The following ADCY3 variants were observed in gnomAD, a reference collection of about 807,000 sequenced individuals.
The protein encoded by ADCY3 is adenylate cyclase type 3.
In ADCY3, 70 loss-of-function variants were observed where a neutral mutation model predicts 119.4. The ratio of observed to expected loss-of-function variants is 0.59; its 90% CI spans 0.48 to 0.72. The LOEUF (loss-of-function observed/expected upper bound fraction) is 0.72. Among genes scored for constraint, ADCY3 ranks in the 30% least tolerant of loss-of-function variants. The pLI, the probability that ADCY3 is intolerant of heterozygous loss-of-function variation, is 0.00. For synonymous variants in ADCY3, 672 were observed against 621.4 expected, an observed-to-expected ratio of 1.08 and a Z score of -1.21; for missense variants, 1,238 against 1,541.6, an observed-to-expected ratio of 0.80 and a Z score of 3.30.
intron 3 of ADCY3, among the ~76,000 whole-genome samples, chr2:24,866,393 T>G (rs1674297648): frequency 6.6e-6 from 1 of 151,912 alleles, no homozygotes; most frequent in African/African-American, 2.4e-5. Flanking sequence ...GGCAACACAG[T>G]GAGACTCCAT....
intron 2 of ADCY3, among the ~76,000 whole-genome samples, chr2:24,879,252 C>T (rs1676085558): frequency 6.6e-6 from 1 of 152,006 alleles, no homozygotes; most frequent in Non-Finnish European, 1.5e-5. Flanking sequence ...GTGGGCAGAT[C>T]ACAAGGTCAG....
chr2:24,894,333 G>T (rs1422592424), intron 2 of ADCY3, among the ~76,000 whole-genome samples: 1 of 152,100 alleles, frequency 6.6e-6, no homozygotes, highest in African/African-American at 2.4e-5. Flanking sequence ...AAGTTAGCCA[G>T]ACATGCTGTT....
chr2:24,870,278 GCCACTGCA>G (rs1674817047), intron 3 of ADCY3, among the ~76,000 whole-genome samples: 1 of 141,978 alleles, frequency 7.0e-6, no homozygotes, highest in Non-Finnish European at 1.5e-5. Flanking sequence ...CCGAGATTGT[GCCACTGCA>G]CTCTAGCCTG....
At chr2:24,852,614 G>A (rs547945595) in intron 3 of ADCY3, among the ~76,000 whole-genome samples, 5 of 152,380 alleles carry the variant, frequency 3.3e-5, no homozygotes, top group South Asian at 4.1e-4. Context: ...CAACTGGGCT[G>A]AGCGTGAGAG....
At chr2:24,821,227 C>CA in intron 20 of ADCY3, 2 of 456,316 alleles carry the variant, frequency 4.4e-6, no homozygotes, top group Admixed American at 3.9e-5. Context: ...GCAGGCACAG[C>CA]AACCCCTCTG....
At chr2:24,827,803 GCAGAAAGCCA>G (rs1668833123) in intron 14 of ADCY3, 89 bp downstream of exon 14, 1 of 1,554,526 alleles carries the variant, frequency 6.4e-7, no homozygotes, top group African/African-American at 1.4e-5. Context: ...ACCCCTAGTG[GCAGAAAGCCA>G]CCTCAGCACA....
rs779973163 is a variant in ADCY3, at chr2:24,842,316, G to A, written c.894C>T (p.Asp298=). 3.8e-5 allele frequency: 62 copies of A among 1,613,990 alleles called. No homozygotes were observed. The highest frequency in any genetic ancestry group is 8.8e-5 in the South Asian group (8 of 91,086). Residue 298 remains aspartate (D), a synonymous_variant, in exon 4 of 22, where the codon GAC becomes GAT. Coordinates refer to ENST00000679454, the MANE Select transcript of ADCY3 (RefSeq NM_004036.5). The surrounding 1 kb of genome is among the most constrained non-coding windows in gnomAD (Gnocchi z 4.9). ...ACTGCTGCTGGTCCTTCTGGCTCTC[G>A]TCTTTCTTCATGTCTTTCAGCATCT... ...ADEMLKDMKK[D]ESQKDQQQFN...
Position 24,920,079 on chromosome 2 carries a change from G to A in ADCY3, c.-594C>T, listed in dbSNP as rs1276278138. ...CGGCGGCGGCGGCTGCTAGGGGCGC[G>A]CGCGGGGCCCTCCCCGGCGGGAGCG... On this transcript the variant is annotated 5_prime_UTR_variant, in exon 1 of 22. Coordinates refer to ENST00000679454, the MANE Select transcript of ADCY3 (RefSeq NM_004036.5). This position sits in a 1 kb window ranked among gnomAD's most constrained non-coding sequence, Gnocchi z 4.5. Among the ~76,000 whole-genome samples, 1 of 145,944 alleles carries A rather than the reference G, an allele frequency of 6.9e-6. No homozygotes were observed. Among genetic ancestry groups the A allele is most frequent in the Non-Finnish European group, 1.5e-5 (1 of 65,680 alleles).
chr2:24,908,310 C>T lies in ADCY3; in HGVS notation c.675+10003G>A, dbSNP rs535952510. On this transcript the variant is annotated intron_variant, in intron 2 of 21. Transcript: ENST00000679454. ...TGCACTCTGGCCTGGGCAACAAGAG[C>T]GAAACTCCGTCTCAAAAAAAAAGAA... 2.5e-3 allele frequency among the ~76,000 whole-genome samples: 383 copies of T among 151,464 alleles called. 1 individual carries two copies. The highest frequency in any genetic ancestry group is 0.01 in the Middle Eastern group (3 of 294).
Position 24,841,113 on chromosome 2 carries a change from C to G in ADCY3, c.1196+146G>C, listed in dbSNP as rs897370614. 3 of 957,604 alleles carry G rather than the reference C, an allele frequency of 3.1e-6. No homozygotes were observed. The highest frequency in any genetic ancestry group is 3.3e-5 in the African/African-American group (2 of 61,262). The allele number at this position is 957,604 out of a possible 1,614,324, so 59.3% of individuals were successfully genotyped here. ...CTTCTAGAGCGGGAGCCTGCGCCAC[C>G]CATCAACCAGTGCTGTGTCCCAGTC... On this transcript the variant is annotated intron_variant, in intron 6 of 21. Transcript: ENST00000679454. The surrounding 1 kb of genome is among the most constrained non-coding windows in gnomAD (Gnocchi z 5.8).
chr2:24,880,917 A>T (rs915029862), intron 2 of ADCY3, among the ~76,000 whole-genome samples: 2 of 151,956 alleles, frequency 1.3e-5, no homozygotes, highest in Non-Finnish European at 2.9e-5. Context: ...CGGGAGGCTG[A>T]GGCAGGAGAA....
At chr2:24,877,162 G>A (rs1390944393) in intron 2 of ADCY3, among the ~76,000 whole-genome samples, 1 of 152,224 alleles carries the variant, frequency 6.6e-6, no homozygotes, top group Non-Finnish European at 1.5e-5. Flanking sequence ...GGGAAGGTGG[G>A]CACTGTCCTC....
chr2:24,823,372 A>C lies in ADCY3; in HGVS notation c.2737-17T>G, dbSNP rs751552916. The stretch of plus-strand genomic sequence containing the variant: ...ATACAGCTCCTAAAAAGAGGTGCGG[A>C]CAACGTGCTCAAAGCATGTCCGACT... On this transcript the variant is annotated splice_polypyrimidine_tract_variant and intron_variant, in intron 17 of 21. Transcript: ENST00000679454. The C allele has an allele frequency of 6.2e-6, 10 of 1,609,340 alleles. No individual in the cohort carries two copies. The highest frequency in any genetic ancestry group is 2.2e-5 in the South Asian group (2 of 90,182).
chr2:24,827,292 CCCT>C (rs1343738912), intron 15 of ADCY3, among the ~76,000 whole-genome samples: 6 of 152,302 alleles, frequency 3.9e-5, no homozygotes, highest in East Asian at 1.9e-4. Flanking sequence ...GCGTCTTCCT[CCCT>C]CCTCATTTTC....
intron 13 of ADCY3, among the ~76,000 whole-genome samples, chr2:24,828,869 A>G (rs113000860): frequency 2.6e-5 from 4 of 152,092 alleles, no homozygotes; most frequent in African/African-American, 7.2e-5. Context: ...TGCAGTGGTG[A>G]CCTCCACACC....
chr2:24,879,276 T>C (rs1242276561), intron 2 of ADCY3, among the ~76,000 whole-genome samples: 1 of 151,650 alleles, frequency 6.6e-6, no homozygotes, highest in Non-Finnish European at 1.5e-5. Context: ...ATCGAGACCA[T>C]CCTGGCTAAC....
At position 24,918,660 on chromosome 2, in the gene ADCY3, C is replaced by T. The variant is rs150240925; in HGVS notation, c.328G>A (p.Val110Met). 937 of 1,613,962 alleles carry T rather than the reference C, an allele frequency of 5.8e-4. 1 individual carries two copies. The highest frequency in any genetic ancestry group is 1.0e-3 in the South Asian group (94 of 91,082). The change falls in exon 2 of 22, where the codon GTG becomes ATG. Residue 110 changes from valine to methionine, a missense_variant. Val to Met is a conservative substitution (Grantham distance 21). Coordinates refer to ENST00000679454, the MANE Select transcript of ADCY3 (RefSeq NM_004036.5). This position sits in a 1 kb window ranked among gnomAD's most constrained non-coding sequence, Gnocchi z 5.4. ...TCCAACACCAGTCCAATTCCAGCCA[C>T]GGCGAGGGAAGCCAGCTTGTCGCTG... ...FSSDKLASLA[V>M]AGIGLVLDII...
chr2:24,841,643 G>A lies in ADCY3; in HGVS notation c.981C>T (p.Gly327=), dbSNP rs1350334598. 3.7e-6 allele frequency: 6 copies of A among 1,613,662 alleles called. No individual in the cohort carries two copies. In the Middle Eastern group the frequency reaches 6.6e-4, roughly 178 times the overall value. Residue 327 remains glycine (G), a synonymous_variant, in exon 5 of 22, where the codon GGC becomes GGT. Coordinates refer to ENST00000679454, the MANE Select transcript of ADCY3 (RefSeq NM_004036.5). This position sits in a 1 kb window ranked among gnomAD's most constrained non-coding sequence, Gnocchi z 5.8. ...TGCAGGCAGAAGACAGCTGGGTAAA[G>A]CCCACGATGTCGGCAAAGAGGATGC... The part of the protein sequence containing the change: ...NVSILFADIV[G]FTQLSSACSA...
rs1379557137 is a variant in ADCY3, at chr2:24,819,531, G to T, written c.*401C>A. 1.3e-5 allele frequency: 2 copies of T among 159,668 alleles called. No homozygotes were observed. The highest frequency in any genetic ancestry group is 2.4e-5 in the African/African-American group (1 of 41,632). 9.9% of individuals were successfully genotyped at this position (159,668 alleles called of 1,614,324 possible). ...CCCTTCAAAATGGGAGCCATGTCCTGCCCCACCAAGCCCTGTCTGAAGTGG... is the reference window on the plus strand; with the variant it reads ...CCCTTCAAAATGGGAGCCATGTCCTTCCCCACCAAGCCCTGTCTGAAGTGG... On this transcript the variant is annotated 3_prime_UTR_variant, in exon 22 of 22. Coordinates refer to ENST00000679454, the MANE Select transcript of ADCY3 (RefSeq NM_004036.5).
Sources: gnomAD v4.1 joint callset for allele counts (sites outside exome capture counted in the v4.1 genomes callset) on GRCh38, gnomAD v4.1.1 for gene constraint, Gnocchi (gnomAD v3.1) non-coding constraint, MANE v1.5 for transcripts, NCBI Gene and HGNC (gene_info 2026-07-23, HGNC 2026-07-21) for gene names.